PDE8B: variants seen among roughly 807,000 people sequenced by gnomAD.
The protein encoded by PDE8B is phosphodiesterase 8B.
Under a neutral mutation model 101.3 loss-of-function variants are expected in PDE8B, and 26 were observed. The observed-to-expected ratio is 0.26, with a 90% CI of 0.19 to 0.36. The LOEUF (loss-of-function observed/expected upper bound fraction) is 0.36, where lower values mean the gene tolerates loss of function less well. PDE8B is among the 10% of genes least tolerant of loss of function. The probability of loss-of-function intolerance (pLI) is 1.00; values close to 1 mark genes in which losing one functional copy is unlikely to be tolerated. For synonymous variants in PDE8B, 424 were observed against 429.3 expected, an observed-to-expected ratio of 0.99 and a Z score of 0.15; for missense variants, 810 against 1,163.1, an observed-to-expected ratio of 0.70 and a Z score of 4.42.
At chr5:77,361,496 GTTAT>G (rs1235720843) in intron 10 of PDE8B, among the ~76,000 whole-genome samples, 4 of 149,494 alleles carry the variant, frequency 2.7e-5, no homozygotes, top group Non-Finnish European at 5.9e-5. Flanking sequence ...GTACACCTTT[GTTAT>G]TTGTCTTTCA....
the PDE8B span, among the ~76,000 whole-genome samples, chr5:77,107,457 A>G: frequency 6.6e-6 from 1 of 152,166 alleles, no homozygotes; most frequent in Non-Finnish European, 1.5e-5. Flanking sequence ...TAAAAATGTT[A>G]TGTGTGAAAA....
chr5:77,417,506 C>T (rs974071236), intron 17 of PDE8B, among the ~76,000 whole-genome samples: 6 of 152,292 alleles, frequency 3.9e-5, no homozygotes, highest in Middle Eastern at 3.4e-3. Flanking sequence ...ATTCCTAGCA[C>T]AACATCTCTT....
At chr5:77,425,588 T>C (rs1797887570) in intron 20 of PDE8B, among the ~76,000 whole-genome samples, 179 bp from the exon 21 acceptor site, 2 of 152,160 alleles carry the variant, frequency 1.3e-5, no homozygotes, top group South Asian at 4.1e-4. Flanking sequence ...TGGGAAGGTC[T>C]GAGTGTAGTC....
At chr5:77,393,973 A>C (rs1790490565) in intron 10 of PDE8B, among the ~76,000 whole-genome samples, 1 of 152,238 alleles carries the variant, frequency 6.6e-6, no homozygotes. Flanking sequence ...TATATCTGAA[A>C]ATACATGATT....
At chr5:77,166,960 G>A in the PDE8B span, 3 of 152,350 alleles carry the variant, frequency 2.0e-5, no homozygotes, top group East Asian at 1.9e-4. Flanking sequence ...CCGGACCGGA[G>A]TTGGCCACAG....
rs531096862 is a variant in PDE8B at position 77,361,516 on chromosome 5, C to CA, written c.1167+8110_1167+8111insA. On this transcript the variant is annotated intron_variant, in intron 10 of 21. Transcript: ENST00000264917. ...CCTTTGTTATTTGTCTTTCATCTTA[C>CA]TTTTTTTTTTTTTTTTGACATGGAG... Among the ~76,000 whole-genome samples the CA allele has an allele frequency of 1.1e-4, 16 of 139,994 alleles. 1 individual carries two copies. The highest frequency in any genetic ancestry group is 2.2e-4 in the Admixed American group (3 of 13,860). The allele number at this position is 139,994 out of a possible 152,430, so 91.8% of individuals were successfully genotyped here.
rs535012718 is a variant in PDE8B at position 77,317,163 on chromosome 5, T to C, written c.399+5110T>C. ...GTCAGTTTTATTGTCTATAACACAC[T>C]AACTTTCAGTGTATTGACATCTAGT... On this transcript the variant is annotated intron_variant, in intron 2 of 21. Coordinates refer to ENST00000264917, the MANE Select transcript of PDE8B (RefSeq NM_003719.5). Among the ~76,000 whole-genome samples the C allele has an allele frequency of 8.7e-4, 133 of 152,338 alleles. 1 individual carries two copies. The highest frequency in any genetic ancestry group is 1.3e-3 in the Non-Finnish European group (87 of 68,028).
intron 10 of PDE8B, among the ~76,000 whole-genome samples, chr5:77,395,496 C>T (rs1790855375): frequency 6.6e-6 from 1 of 150,646 alleles, no homozygotes. Flanking sequence ...TAGTTTCAAC[C>T]CTTTCAATTT....
chr5:77,369,717 C>T (rs144938162), intron 10 of PDE8B, among the ~76,000 whole-genome samples: 7 of 152,308 alleles, frequency 4.6e-5, no homozygotes, highest in African/African-American at 1.7e-4. Context: ...GCAAGCTTGG[C>T]ATCATACCTC....
chr5:77,269,872 T>C (rs1580702795), intron 1 of PDE8B, among the ~76,000 whole-genome samples: 1 of 152,222 alleles, frequency 6.6e-6, no homozygotes, highest in South Asian at 2.1e-4. Flanking sequence ...TTGGTTACTA[T>C]AGCTCTGGAG....
intron 11 of PDE8B, among the ~76,000 whole-genome samples, chr5:77,402,707 C>T (rs1792552405): frequency 6.6e-6 from 1 of 152,218 alleles, no homozygotes; most frequent in African/African-American, 2.4e-5. Flanking sequence ...CATATATTAA[C>T]TCACTTATTT....
chr5:77,200,378 T>C, the PDE8B span, among the ~76,000 whole-genome samples: 1 of 152,152 alleles, frequency 6.6e-6, no homozygotes, highest in Non-Finnish European at 1.5e-5. Flanking sequence ...AAACATTAAG[T>C]TTACTTCTAC....
intron 10 of PDE8B, among the ~76,000 whole-genome samples, chr5:77,392,261 C>T (rs759995292): frequency 5.9e-5 from 9 of 152,116 alleles, no homozygotes; most frequent in African/African-American, 9.7e-5. Context: ...TGTTCTGCAG[C>T]GGACAGGCCT....
At chr5:77,264,276 A>G (rs1446488986) in intron 1 of PDE8B, among the ~76,000 whole-genome samples, 3 of 152,216 alleles carry the variant, frequency 2.0e-5, no homozygotes, top group Admixed American at 6.5e-5. Context: ...TCTTTCAGGT[A>G]TGTACCTAGG....
At chr5:77,426,368 C>G in intron 21 of PDE8B, 77 bp from the exon 22 acceptor site, 1 of 924,156 alleles carries the variant, frequency 1.1e-6, no homozygotes, top group Non-Finnish European at 1.8e-6. Context: ...CAAACTTGTC[C>G]CAGACACCCC....
At chr5:77,129,230 C>A in the PDE8B span, among the ~76,000 whole-genome samples, 2 of 151,908 alleles carry the variant, frequency 1.3e-5, no homozygotes, top group African/African-American at 2.4e-5. Context: ...CATCATGGGT[C>A]TCTAGTTGTT....
At chr5:77,207,842 CATT>C (rs1404922744), upstream of PDE8B, among the ~76,000 whole-genome samples, 2 of 152,172 alleles carry the variant, frequency 1.3e-5, no homozygotes, top group Non-Finnish European at 2.9e-5. Context: ...TATAAGGACA[CATT>C]ATTTTTTTCT....
At chr5:77,323,823 G>C (rs1382285634) in intron 2 of PDE8B, among the ~76,000 whole-genome samples, 1 of 152,078 alleles carries the variant, frequency 6.6e-6, no homozygotes, top group Admixed American at 6.6e-5. Flanking sequence ...GCCAGGCATG[G>C]TGGCGGGCGC....
chr5:77,164,658 C>T, the PDE8B span, among the ~76,000 whole-genome samples: 1 of 152,204 alleles, frequency 6.6e-6, no homozygotes, highest in African/African-American at 2.4e-5. Flanking sequence ...CCACCCCCAA[C>T]TCTGGAAGAC....
Sources: allele counts gnomAD v4.1 joint callset (sites outside exome capture counted in the v4.1 genomes callset), GRCh38; gene constraint gnomAD v4.1.1; transcripts MANE v1.5; gene names NCBI Gene and HGNC (gene_info 2026-07-23, HGNC 2026-07-21).